SULF2: variants seen among roughly 807,000 people sequenced by gnomAD.
SULF2 encodes extracellular sulfatase Sulf-2.
In SULF2, 52 loss-of-function variants were observed where a neutral mutation model predicts 107.7. The ratio of observed to expected loss-of-function variants is 0.48; its 90% CI spans 0.39 to 0.61. The LOEUF is 0.61. Ranked by LOEUF, SULF2 falls within the 20% of genes least tolerant of loss-of-function variation. SULF2 has a pLI of 0.00. For synonymous variants in SULF2, 460 were observed against 464.3 expected (o/e 0.99, Z 0.12); for missense variants, 993 against 1,177.3 (o/e 0.84, Z 2.29).
chr20:47,719,201 T>C (rs1241627034), intron 3 of SULF2, among the ~76,000 whole-genome samples: 1 of 152,264 alleles, frequency 6.6e-6, no homozygotes, highest in Non-Finnish European at 1.5e-5. Flanking sequence ...ATTAAATAAC[T>C]GCTTCATCGT....
chr20:47,676,701 G>A, intron 9 of SULF2, 78 bp from the exon 10 acceptor site: 1 of 1,519,708 alleles, frequency 6.6e-7, no homozygotes, highest in Non-Finnish European at 8.8e-7. Context: ...TGCCCACCTA[G>A]AGGGGTGCCC....
In SULF2 at chr20:47,664,125, C is replaced by T. The variant is rs1213955323; in HGVS notation, c.2057+5G>A. Reference sequence around the variant, plus strand: ...CTCTTCCCCAGGACCTCAAGCTGCTCTTACCTGAAAGGATGCAGACTGGAG... The same window carrying T: ...CTCTTCCCCAGGACCTCAAGCTGCTTTTACCTGAAAGGATGCAGACTGGAG... On this transcript the variant is annotated splice_donor_5th_base_variant and intron_variant, in intron 15 of 20. Transcript: ENST00000688720. The T allele has an allele frequency of 5.6e-6, 9 of 1,613,514 alleles. No individual in the cohort carries two copies. The highest frequency in any genetic ancestry group is 7.6e-6 in the Non-Finnish European group (9 of 1,179,862).
chr20:47,756,238 C>T (rs1191331417), intron 2 of SULF2, among the ~76,000 whole-genome samples: 1 of 152,162 alleles, frequency 6.6e-6, no homozygotes, highest in African/African-American at 2.4e-5. Flanking sequence ...AGTCTGCAGA[C>T]TCCCCATAGT....
chr20:47,700,863 C>T (rs1408119085), intron 4 of SULF2, among the ~76,000 whole-genome samples: 2 of 152,068 alleles, frequency 1.3e-5, no homozygotes, highest in Non-Finnish European at 2.9e-5. Flanking sequence ...CCAGGCTGGC[C>T]TCGAACTCCT....
intron 2 of SULF2, among the ~76,000 whole-genome samples, chr20:47,750,991 C>A (rs1269574965): frequency 6.6e-6 from 1 of 152,188 alleles, no homozygotes; most frequent in Non-Finnish European, 1.5e-5. Flanking sequence ...TGGTTGATCG[C>A]CCCTCCTGGC....
chr20:47,661,956 TCTACCAA>T, intron 17 of SULF2, 60 bp from the exon 18 acceptor site: 1 of 1,402,384 alleles, frequency 7.1e-7, no homozygotes, highest in African/African-American at 1.4e-5. Flanking sequence ...GCCCTGCCCT[TCTACCAA>T]CCAGGGGACA....
chr20:47,660,037 T>G (rs931812931), intron 18 of SULF2, among the ~76,000 whole-genome samples: 1 of 152,186 alleles, frequency 6.6e-6, no homozygotes, highest in Non-Finnish European at 1.5e-5. Context: ...CATGAACATC[T>G]GTGCTCCAGA....
chr20:47,736,070 G>C (rs990188328), intron 3 of SULF2, among the ~76,000 whole-genome samples: 3 of 152,228 alleles, frequency 2.0e-5, no homozygotes, highest in Non-Finnish European at 1.5e-5. Flanking sequence ...CTACAGGTAA[G>C]TGACTATACT....
intron 2 of SULF2, among the ~76,000 whole-genome samples, chr20:47,745,463 A>G (rs1359398984): frequency 3.9e-5 from 1 of 25,360 alleles, no homozygotes; most frequent in East Asian, 2.0e-3. Context: ...ATATACACAT[A>G]CACACACACT....
intron 1 of SULF2, among the ~76,000 whole-genome samples, chr20:47,766,503 T>C (rs529017580): frequency 1.3e-5 from 2 of 152,150 alleles, no homozygotes. Context: ...GGCATAAAGA[T>C]TGTAGGGCAA....
intron 1 of SULF2, among the ~76,000 whole-genome samples, chr20:47,761,599 C>T (rs557246483): frequency 6.6e-6 from 1 of 152,328 alleles, no homozygotes; most frequent in African/African-American, 2.4e-5. Context: ...TCCCAGGCTT[C>T]GCGTGCCCTC....
chr20:47,759,468 G>C (rs1233922075), intron 1 of SULF2, among the ~76,000 whole-genome samples: 1 of 152,196 alleles, frequency 6.6e-6, no homozygotes, highest in East Asian at 1.9e-4. Flanking sequence ...GAGGCAGGTG[G>C]ATCACCTGAG....
At chr20:47,770,891 G>A (rs2090617163) in intron 1 of SULF2, among the ~76,000 whole-genome samples, 2 of 152,180 alleles carry the variant, frequency 1.3e-5, no homozygotes, top group African/African-American at 4.8e-5. Flanking sequence ...GATCCAGGGG[G>A]AGCTGGCTCA....
rs1304678955 is a variant in SULF2, at chr20:47,661,903, G to T, written c.2371-7C>A. 3.3e-6 allele frequency: 5 copies of T among 1,537,220 alleles called. No individual in the cohort carries two copies. On this transcript the variant is annotated splice_polypyrimidine_tract_variant and splice_region_variant and intron_variant, in intron 17 of 20. Coordinates refer to ENST00000688720, the MANE Select transcript of SULF2 (RefSeq NM_001387048.1). The stretch of plus-strand genomic sequence containing the variant: ...TGTTCACTGCATTCATCAGCTGGTT[G>T]CAAAAAAGGTAGTCTGTCAACAAGG...
At chr20:47,674,317 GC>G (rs1429428792) in intron 10 of SULF2, among the ~76,000 whole-genome samples, 2 of 152,204 alleles carry the variant, frequency 1.3e-5, no homozygotes, top group Non-Finnish European at 2.9e-5. Flanking sequence ...GGTCCCTACA[GC>G]TGCTGAGAAC....
intron 7 of SULF2, among the ~76,000 whole-genome samples, chr20:47,681,167 T>C (rs150908913): frequency 6.6e-6 from 1 of 152,266 alleles, no homozygotes; most frequent in East Asian, 1.9e-4. Context: ...AGATAAGAAA[T>C]GAGAGCTTTC....
At chr20:47,700,323 G>A (rs6018646) in intron 4 of SULF2, among the ~76,000 whole-genome samples, 3,946 of 152,178 alleles carry the variant, frequency 0.026, 171 homozygotes, top group African/African-American at 0.091. Flanking sequence ...ACACTATAAC[G>A]GCAGACTTCT....
In SULF2 at chr20:47,658,297, G is replaced by A. The variant is rs2086958008; in HGVS notation, c.*65C>T. 5.7e-6 allele frequency: 9 copies of A among 1,567,546 alleles called. No individual in the cohort carries two copies. The South Asian group carries it at 8.9e-5, about 15-fold the overall frequency. On this transcript the variant is annotated 3_prime_UTR_variant, in exon 21 of 21. Transcript: ENST00000688720. ...AGGTCTGCTGGAAATCACCCACATGGTTTTTCATTGCCTGTGCAGTCAGGT... is the reference window on the plus strand; with the variant it reads ...AGGTCTGCTGGAAATCACCCACATGATTTTTCATTGCCTGTGCAGTCAGGT...
intron 2 of SULF2, among the ~76,000 whole-genome samples, chr20:47,753,940 C>G (rs1021763667): frequency 6.6e-6 from 1 of 152,200 alleles, no homozygotes; most frequent in Non-Finnish European, 1.5e-5. Flanking sequence ...GTCCGTTGGT[C>G]TCAGAGGGCC....
Sources: gnomAD v4.1 joint callset for allele counts (sites outside exome capture counted in the v4.1 genomes callset) on GRCh38, gnomAD v4.1.1 for gene constraint, MANE v1.5 for transcripts, NCBI Gene and HGNC (gene_info 2026-07-23, HGNC 2026-07-21) for gene names.